ATP23: variants seen among roughly 807,000 people sequenced by gnomAD.
ATP23 encodes ATP23 metallopeptidase and ATP synthase assembly factor homolog, also known as mitochondrial inner membrane protease ATP23 homolog.
A neutral mutation model predicts 28.5 loss-of-function variants in ATP23; 24 were observed. The ratio of observed to expected loss-of-function variants is 0.84; its 90% CI spans 0.61 to 1.18. The LOEUF is 1.18. Among genes scored for constraint, ATP23 ranks in the 50% most tolerant of loss-of-function variants. The pLI is 0.00. For missense variants in ATP23, 274 were observed against 306.4 expected, an observed-to-expected ratio of 0.89 and a Z score of 0.79; for synonymous variants, 99 against 108.6, an observed-to-expected ratio of 0.91 and a Z score of 0.55.
intron 5 of ATP23, among the ~76,000 whole-genome samples, chr12:57,953,895 G>A (rs1285278652): frequency 6.6e-6 from 1 of 152,150 alleles, no homozygotes; most frequent in Non-Finnish European, 1.5e-5. Context: ...ATGAGTGTGT[G>A]AGATAGTCTA....
At chr12:57,951,484 T>C (rs1261977533) in intron 3 of ATP23, among the ~76,000 whole-genome samples, 2 of 152,084 alleles carry the variant, frequency 1.3e-5, no homozygotes, top group Non-Finnish European at 2.9e-5. Context: ...CCAGTAAGGA[T>C]GGTGTGTGAA....
intron 5 of ATP23, among the ~76,000 whole-genome samples, chr12:57,955,016 C>A (rs1039798775): frequency 3.3e-5 from 5 of 152,096 alleles, no homozygotes; most frequent in African/African-American, 1.2e-4. Context: ...TGAGTCCCTG[C>A]TTCTCTGGTG....
At chr12:57,949,013 C>T (rs764282167) in intron 3 of ATP23, among the ~76,000 whole-genome samples, 3 of 152,124 alleles carry the variant, frequency 2.0e-5, no homozygotes, top group Non-Finnish European at 2.9e-5. Context: ...TGGTTTATTT[C>T]GTTTCCCTGT....
rs565344522 is a variant in ATP23 at position 57,953,747 on chromosome 12, T to G, written c.537+58T>G. The G allele has an allele frequency of 8.4e-6, 12 of 1,425,716 alleles. No homozygotes were observed. The South Asian group carries it at 1.0e-4, about 12-fold the overall frequency. The allele number at this position is 1,425,716 out of a possible 1,614,324, so 88.3% of individuals were successfully genotyped here. The stretch of plus-strand genomic sequence containing the variant: ...GAGTGTTACGAGTGGAAATAATGAA[T>G]AAAGAAATGAAAAGTACATTCAGTA... On this transcript the variant is annotated intron_variant, in intron 5 of 5. Coordinates refer to ENST00000300145, the MANE Select transcript of ATP23 (RefSeq NM_033276.4).
intron 1 of ATP23, 91 bp from the exon 2 acceptor site, chr12:57,945,537 G>A: frequency 8.8e-7 from 1 of 1,142,268 alleles, no homozygotes; most frequent in Admixed American, 1.8e-5. Context: ...TGGCCTGTGA[G>A]TTACTTTTTG....
chr12:57,956,928 C>A lies in ATP23; in HGVS notation c.*38C>A, dbSNP rs1428805518. The A allele has an allele frequency of 2.6e-6, 4 of 1,526,782 alleles. No individual in the cohort carries two copies. The highest frequency in any genetic ancestry group is 3.5e-6 in the Non-Finnish European group (4 of 1,141,366). 94.6% of individuals were successfully genotyped at this position (1,526,782 alleles called of 1,614,324 possible). A position where few individuals can be genotyped will look rare whatever the true frequency, so the allele number is the denominator to read the frequency against. ...TTTTATATTACAGAGCTTCCATCAT[C>A]ATGAAGAAAAAAAAATTTGGTTCTC... On this transcript the variant is annotated 3_prime_UTR_variant, in exon 6 of 6. Transcript: ENST00000300145.
chr12:57,947,132 T>C, intron 3 of ATP23, 56 bp downstream of exon 3: 4 of 1,528,816 alleles, frequency 2.6e-6, no homozygotes, highest in South Asian at 1.1e-5. Flanking sequence ...TTTATATTTT[T>C]TGAGCATCTT....
chr12:57,957,736 G>A lies in ATP23; in HGVS notation c.*846G>A, dbSNP rs1409991778. 1.3e-5 allele frequency among the ~76,000 whole-genome samples: 2 copies of A among 152,236 alleles called. No individual in the cohort carries two copies. The highest frequency in any genetic ancestry group is 3.8e-4 in the East Asian group (2 of 5,200). On this transcript the variant is annotated 3_prime_UTR_variant, in exon 6 of 6. Coordinates refer to ENST00000300145, the MANE Select transcript of ATP23 (RefSeq NM_033276.4). ...AGCAAGCAGCAGGAAGGCCCAGGGA[G>A]CTCGCTGGGTCCCCAAGCAGCCCAT...
In ATP23 at chr12:57,959,043, A is replaced by G. The variant is rs183170054; in HGVS notation, c.*2153A>G. On this transcript the variant is annotated 3_prime_UTR_variant, in exon 6 of 6. Coordinates refer to ENST00000300145, the MANE Select transcript of ATP23 (RefSeq NM_033276.4). ...AGGAAATGGAGAGCTTAAAGAAAAA[A>G]GAATAAAAAATTCAGGAAACTTTGG... 6.6e-5 allele frequency among the ~76,000 whole-genome samples: 10 copies of G among 152,270 alleles called. No homozygotes were observed. In the East Asian group the frequency reaches 1.9e-3, roughly 29 times the overall value.
Position 57,947,808 on chromosome 12 carries a change from C to T in ATP23, c.315+732C>T, listed in dbSNP as rs13377843. ...TTAGTTTTAAGTCATCAGAGAGTTT[C>T]GACAGAGTCTTGGAGGTGGTAGATA... is the stretch of plus-strand genomic sequence containing the variant. On this transcript the variant is annotated intron_variant, in intron 3 of 5. Transcript: ENST00000300145. 4.6e-5 allele frequency among the ~76,000 whole-genome samples: 7 copies of T among 152,142 alleles called. No homozygotes were observed. In the South Asian group the frequency reaches 8.3e-4, roughly 18 times the overall value.
At chr12:57,948,044 C>T (rs1403469585) in intron 3 of ATP23, among the ~76,000 whole-genome samples, 1 of 152,062 alleles carries the variant, frequency 6.6e-6, no homozygotes, top group Non-Finnish European at 1.5e-5. Flanking sequence ...GAGTTCAAAT[C>T]CTAGTTTCCT....
intron 1 of ATP23, 87 bp downstream of exon 1, chr12:57,941,975 G>T: frequency 6.6e-7 from 1 of 1,503,880 alleles, no homozygotes. Context: ...CACCTGGCCA[G>T]GGGCTTCAGG....
chr12:57,946,894 G>C, intron 2 of ATP23, 101 bp from the exon 3 acceptor site: 1 of 875,568 alleles, frequency 1.1e-6, no homozygotes, highest in Non-Finnish European at 1.8e-6. Flanking sequence ...TAGTAGTAGA[G>C]GGGATTTACT....
chr12:57,944,468 G>C (rs1956740521), intron 1 of ATP23, among the ~76,000 whole-genome samples: 1 of 152,196 alleles, frequency 6.6e-6, no homozygotes, highest in South Asian at 2.1e-4. Flanking sequence ...GGCCCATAGA[G>C]TCTTAGATGT....
rs1237861594 is a variant in ATP23 at position 57,958,037 on chromosome 12, G to C, written c.*1147G>C. Among the ~76,000 whole-genome samples the C allele has an allele frequency of 6.6e-6, 1 of 152,174 alleles. No individual in the cohort carries two copies. Among genetic ancestry groups the C allele is most frequent in the Non-Finnish European group, 1.5e-5 (1 of 68,026 alleles). ...CACCTGGAAGCAGACTTGGGGCTGT[G>C]GTGGGGGGCATGGTGGGAGTGAGAC... On this transcript the variant is annotated 3_prime_UTR_variant, in exon 6 of 6. Transcript: ENST00000300145.
chr12:57,941,711 G>A lies in ATP23; in HGVS notation c.10G>A (p.Ala4Thr), dbSNP rs761954007. The A allele has an allele frequency of 1.2e-6, 2 of 1,602,802 alleles. No individual in the cohort carries two copies. Among genetic ancestry groups the A allele is most frequent in the East Asian group, 2.3e-5 (1 of 44,356 alleles). The change falls in exon 1 of 6, where the codon GCT (alanine) becomes ACT (threonine). Residue 4 changes from alanine (A) to threonine (T), a missense_variant. Ala to Thr is a moderately conservative substitution (Grantham distance 58). Transcript: ENST00000300145. Reference protein sequence around the residue: MAGAPDERRRGPAA... With the variant: MAGTPDERRRGPAA... ...GAGGTCTGCGGGAGGCATGGCGGGA[G>A]CTCCGGACGAGCGCCGGCGGGGCCC...
At chr12:57,944,292 A>G (rs1289707232) in intron 1 of ATP23, among the ~76,000 whole-genome samples, 1 of 151,946 alleles carries the variant, frequency 6.6e-6, no homozygotes, top group Non-Finnish European at 1.5e-5. Context: ...TCTTTTTCTC[A>G]CCTATTTTTG....
In ATP23 at chr12:57,957,534, G is replaced by A. The variant is rs1227498968; in HGVS notation, c.*644G>A. 6.6e-6 allele frequency among the ~76,000 whole-genome samples: 1 copy of A among 152,150 alleles called. No individual in the cohort carries two copies. The highest frequency in any genetic ancestry group is 2.4e-5 in the African/African-American group (1 of 41,420). ...TCTGAAGGAAGCGACTGCTCCTACA[G>A]TGCCCAGGAGACACCCCAAATACTG... On this transcript the variant is annotated 3_prime_UTR_variant, in exon 6 of 6. Coordinates refer to ENST00000300145, the MANE Select transcript of ATP23 (RefSeq NM_033276.4).
chr12:57,947,074 C>T lies in ATP23; in HGVS notation c.313C>T (p.Gln105Ter). ...VSGGFDASTS[Q>*]IVLCQNNIHN... ...TGGAGGTTTTGATGCTTCAACATCT[C>T]AGGTAGGCATTATTGCCAAATTGTT... is the stretch of plus-strand genomic sequence containing the variant. The change falls in exon 3 of 6, where the codon CAG becomes TAG. Residue 105 changes from glutamine to a stop codon, truncating the protein, a stop_gained and splice_region_variant. Coordinates refer to ENST00000300145, the MANE Select transcript of ATP23 (RefSeq NM_033276.4). LOFTEE classifies it high-confidence loss of function. 6 of 1,613,704 alleles carry T rather than the reference C, an allele frequency of 3.7e-6. No homozygotes were observed. The highest frequency in any genetic ancestry group is 5.1e-6 in the Non-Finnish European group (6 of 1,179,834).
Sources: gnomAD v4.1 joint callset for allele counts (sites outside exome capture counted in the v4.1 genomes callset) on GRCh38, gnomAD v4.1.1 for gene constraint, MANE v1.5 for transcripts, NCBI Gene and HGNC (gene_info 2026-07-23, HGNC 2026-07-21) for gene names.